Variants in SLC9A9 observed in about 807,000 individuals in gnomAD.
SLC9A9 encodes sodium/hydrogen exchanger 9.
Under a neutral mutation model 77.8 loss-of-function variants are expected in SLC9A9, and 62 were observed. The observed-to-expected ratio is 0.80, with a 90% CI of 0.65 to 0.98. The LOEUF (loss-of-function observed/expected upper bound fraction) is 0.98, where lower values mean the gene tolerates loss of function less well. SLC9A9 is among the 50% of genes least tolerant of loss of function. The probability of loss-of-function intolerance (pLI) is 0.00; values close to 1 mark genes in which losing one functional copy is unlikely to be tolerated. For synonymous variants in SLC9A9, 320 were observed against 283.5 expected, an observed-to-expected ratio of 1.13 and a Z score of -1.29; for missense variants, 775 against 774.9, an observed-to-expected ratio of 1.00 and a Z score of 0.00.
At chr3:143,383,459 A>AGAG (rs3068545) in intron 12 of SLC9A9, among the ~76,000 whole-genome samples, 128,754 of 152,016 alleles carry the variant, frequency 0.85, 54,767 homozygotes, top group African/African-American at 0.91. Flanking sequence ...CCATTTGATC[A>AGAG]GAGAAGTATG....
intron 12 of SLC9A9, among the ~76,000 whole-genome samples, chr3:143,450,324 G>A (rs555540347): frequency 2.7e-5 from 4 of 149,082 alleles, no homozygotes; most frequent in East Asian, 2.0e-4. Flanking sequence ...ATATTAGTTT[G>A]TTATTCAGTT....
At chr3:143,277,578 T>C (rs746785242) in intron 14 of SLC9A9, among the ~76,000 whole-genome samples, 6 of 152,232 alleles carry the variant, frequency 3.9e-5, no homozygotes, top group African/African-American at 7.2e-5. Context: ...TTTCCAGGGA[T>C]CTTTGCCACC....
chr3:143,342,544 C>T (rs2032134786), intron 14 of SLC9A9, among the ~76,000 whole-genome samples: 1 of 152,160 alleles, frequency 6.6e-6, no homozygotes, highest in African/African-American at 2.4e-5. Context: ...AGATTTTAAA[C>T]ACCCCACCCA....
At chr3:143,419,349 A>C (rs2034256054) in intron 12 of SLC9A9, among the ~76,000 whole-genome samples, 1 of 152,244 alleles carries the variant, frequency 6.6e-6, no homozygotes, top group South Asian at 2.1e-4. Context: ...CACAGAGAGT[A>C]TCAGAGCTAG....
intron 6 of SLC9A9, among the ~76,000 whole-genome samples, chr3:143,600,691 C>T (rs1413648999): frequency 6.6e-6 from 1 of 152,136 alleles, no homozygotes; most frequent in Non-Finnish European, 1.5e-5. Flanking sequence ...GGTCAGCAAC[C>T]ATGGCTAAGG....
At chr3:143,609,695 T>C (rs1056697163) in intron 6 of SLC9A9, among the ~76,000 whole-genome samples, 6 of 152,164 alleles carry the variant, frequency 3.9e-5, no homozygotes, top group Admixed American at 2.0e-4. Context: ...TTCTATTTTT[T>C]AGAAATAAGA....
intron 12 of SLC9A9, among the ~76,000 whole-genome samples, chr3:143,406,279 G>A (rs976161899): frequency 2.0e-5 from 3 of 152,044 alleles, no homozygotes; most frequent in Non-Finnish European, 2.9e-5. Context: ...TATTTAAAAC[G>A]GAGAATAATA....
rs58029971 is a variant in SLC9A9, at chr3:143,474,959, GTT to G, written c.1316-7771_1316-7770del. Among the ~76,000 whole-genome samples the G allele has an allele frequency of 5.9e-3, 748 of 127,168 alleles. 4 individuals are homozygous for G. The highest frequency in any genetic ancestry group is 0.017 in the African/African-American group (580 of 33,208). 83.4% of individuals were successfully genotyped at this position (127,168 alleles called of 152,430 possible). A position where few individuals can be genotyped will look rare whatever the true frequency, so the allele number is the denominator to read the frequency against. On this transcript the variant is annotated intron_variant, in intron 11 of 15. Transcript: ENST00000316549. ...CCTAAGTGCTCTCACCTTCACCCAG[GTT>G]TTTTTTTTTTTTTTTGAGACAGAGT...
At position 143,492,224 on chromosome 3, in the gene SLC9A9, A is replaced by G. The variant is rs1288985200; in HGVS notation, c.1315+1429T>C. On this transcript the variant is annotated intron_variant, in intron 11 of 15. Coordinates refer to ENST00000316549, the MANE Select transcript of SLC9A9 (RefSeq NM_173653.4). ...GAAGAATGACATGAACCTGGGGGGC[A>G]GAGCTTGCAGTGAGCCGAGATCACA... is the stretch of plus-strand genomic sequence containing the variant. 4.0e-5 allele frequency among the ~76,000 whole-genome samples: 6 copies of G among 150,904 alleles called. 1 individual carries two copies. The South Asian group carries it at 8.5e-4, about 21-fold the overall frequency.
intron 7 of SLC9A9, among the ~76,000 whole-genome samples, chr3:143,575,668 TC>T (rs2037345730): frequency 6.6e-6 from 1 of 152,202 alleles, no homozygotes; most frequent in African/African-American, 2.4e-5. Flanking sequence ...AGGTCTGTTC[TC>T]CTGAATTCCC....
At chr3:143,278,107 G>C (rs1938106786) in intron 14 of SLC9A9, among the ~76,000 whole-genome samples, 1 of 152,138 alleles carries the variant, frequency 6.6e-6, no homozygotes. Context: ...ATGAACTCAT[G>C]GGCAAGGATC....
intron 4 of SLC9A9, among the ~76,000 whole-genome samples, chr3:143,746,244 A>C (rs1935194003): frequency 6.6e-6 from 1 of 152,148 alleles, no homozygotes; most frequent in Admixed American, 6.6e-5. Context: ...GGCAAAAGAT[A>C]ATGGCAGCTT....
rs542749560 is a variant in SLC9A9, at chr3:143,793,157, T to C, written c.533+1844A>G. On this transcript the variant is annotated intron_variant, in intron 4 of 15. Coordinates refer to ENST00000316549, the MANE Select transcript of SLC9A9 (RefSeq NM_173653.4). ...GGACAACCAACAATTTAAAATCTGT[T>C]TTAAAATAAATCAAAATAGGTTCTC... 7.9e-5 allele frequency among the ~76,000 whole-genome samples: 12 copies of C among 152,266 alleles called. No homozygotes were observed. The South Asian group carries it at 2.5e-3, about 32-fold the overall frequency.
intron 5 of SLC9A9, among the ~76,000 whole-genome samples, chr3:143,691,659 A>G (rs1254703247): frequency 3.3e-5 from 5 of 152,096 alleles, no homozygotes; most frequent in Admixed American, 3.3e-4. Flanking sequence ...GGTTCAATTG[A>G]GTCCTTCCTC....
chr3:143,794,461 T>C (rs1467852043), intron 4 of SLC9A9, among the ~76,000 whole-genome samples: 1 of 152,124 alleles, frequency 6.6e-6, no homozygotes. Flanking sequence ...TAGGGCTCAG[T>C]AGCATAATCA....
At chr3:143,308,014 G>A (rs997428336) in intron 14 of SLC9A9, among the ~76,000 whole-genome samples, 3 of 152,184 alleles carry the variant, frequency 2.0e-5, no homozygotes, top group African/African-American at 7.2e-5. Context: ...ACAGGCATGA[G>A]GCCATCAGAA....
At chr3:143,554,491 CCATCCCTA>C (rs972477514) in intron 8 of SLC9A9, among the ~76,000 whole-genome samples, 143 of 152,302 alleles carry the variant, frequency 9.4e-4, no homozygotes, top group African/African-American at 3.3e-3. Flanking sequence ...CTCAACATCT[CCATCCCTA>C]GCATCCCTTT....
chr3:143,607,350 C>T lies in SLC9A9; in HGVS notation c.756-28627G>A, dbSNP rs564696030. Among the ~76,000 whole-genome samples the T allele has an allele frequency of 2.6e-5, 4 of 152,026 alleles. No homozygotes were observed. The South Asian group carries it at 8.3e-4, about 32-fold the overall frequency. ...CTGAACACAGAGGAAAGAGTAGGTG[C>T]ATGAAGCATTGTTAAGCAAACAAAC... is the stretch of plus-strand genomic sequence containing the variant. On this transcript the variant is annotated intron_variant, in intron 6 of 15. Transcript: ENST00000316549.
intron 13 of SLC9A9, among the ~76,000 whole-genome samples, chr3:143,369,336 G>C (rs2032990570): frequency 6.6e-6 from 1 of 152,142 alleles, no homozygotes; most frequent in Non-Finnish European, 1.5e-5. Flanking sequence ...GGTTACCAGA[G>C]GCTGGGAAGG....
Sources: gnomAD v4.1 joint callset for allele counts (sites outside exome capture counted in the v4.1 genomes callset) on GRCh38, gnomAD v4.1.1 for gene constraint, MANE v1.5 for transcripts, NCBI Gene and HGNC (gene_info 2026-07-23, HGNC 2026-07-21) for gene names.